Variants in CCSER1 observed in about 807,000 individuals in gnomAD.
CCSER1 encodes serine-rich coiled-coil domain-containing protein 1.
A neutral mutation model predicts 82.0 loss-of-function variants in CCSER1; 41 were observed. The observed-to-expected ratio is 0.50, with a 90% CI of 0.39 to 0.65. The LOEUF (loss-of-function observed/expected upper bound fraction) is 0.65. CCSER1 is among the 30% of genes least tolerant of loss of function. The pLI is 0.00. For synonymous variants in CCSER1, 414 were observed against 383.9 expected (o/e 1.08, Z -0.92); for missense variants, 1,119 against 1,064.2 (o/e 1.05, Z -0.72).
At chr4:91,446,640 T>A (rs956462997) in intron 10 of CCSER1, among the ~76,000 whole-genome samples, 76 of 143,800 alleles carry the variant, frequency 5.3e-4, no homozygotes, top group Non-Finnish European at 7.8e-4. Context: ...GTCTATGTAA[T>A]GAATATTTTA....
chr4:90,361,857 G>A (rs1352847650), intron 3 of CCSER1, among the ~76,000 whole-genome samples: 1 of 152,208 alleles, frequency 6.6e-6, no homozygotes, highest in African/African-American at 2.4e-5. Context: ...GTAAGCAGAG[G>A]CACTGACTAT....
At chr4:91,493,956 TA>T (rs1758683351) in intron 10 of CCSER1, among the ~76,000 whole-genome samples, 1 of 151,874 alleles carries the variant, frequency 6.6e-6, no homozygotes, top group Non-Finnish European at 1.5e-5. Context: ...AGTTTGATGA[TA>T]CTATGGTCTG....
At chr4:91,165,976 C>T (rs1391027617) in intron 10 of CCSER1, among the ~76,000 whole-genome samples, 1 of 152,210 alleles carries the variant, frequency 6.6e-6, no homozygotes, top group Non-Finnish European at 1.5e-5. Context: ...AACCAGGTAC[C>T]TCAGTAGGAA....
chr4:91,429,249 A>G (rs1335132797), intron 10 of CCSER1, among the ~76,000 whole-genome samples: 1 of 151,910 alleles, frequency 6.6e-6, no homozygotes, highest in African/African-American at 2.4e-5. Flanking sequence ...ACATAATTTC[A>G]GATGTTCTTG....
At chr4:90,279,839 G>C (rs576864854) in intron 1 of CCSER1, among the ~76,000 whole-genome samples, 2 of 152,042 alleles carry the variant, frequency 1.3e-5, no homozygotes, top group South Asian at 4.2e-4. Flanking sequence ...TTAATGTATG[G>C]TATGAATGAA....
chr4:91,567,953 A>T (rs1248247089), intron 10 of CCSER1, among the ~76,000 whole-genome samples: 1 of 152,110 alleles, frequency 6.6e-6, no homozygotes, highest in Non-Finnish European at 1.5e-5. Flanking sequence ...GTTGCTTTAC[A>T]GTGACACTGG....
rs768938443 is a variant in CCSER1, at chr4:91,598,673, C to A, written c.2319C>A (p.Asp773Glu). ...TEDRFRYSAA[D>E]QTSPYKNKTC... The stretch of plus-strand genomic sequence containing the variant: ...ACCGTTTTAGGTATTCGGCAGCGGA[C>A]CAGACAAGCCCCTACAAAAACAAGA... Residue 773 changes from aspartate to glutamate, a missense_variant, in exon 11 of 11, where the codon GAC (aspartate) becomes GAA (glutamate). By Grantham distance (45) the Asp-to-Glu change is conservative (BLOSUM62 2). Transcript: ENST00000509176. 32 of 1,551,384 alleles carry A rather than the reference C, an allele frequency of 2.1e-5. No homozygotes were observed. In the South Asian group the frequency reaches 3.7e-4, roughly 18 times the overall value.
chr4:90,634,999 A>G (rs13126938), intron 6 of CCSER1, among the ~76,000 whole-genome samples: 45,457 of 151,482 alleles, frequency 0.3, 7,118 homozygotes, highest in African/African-American at 0.37. Flanking sequence ...TCATAATGGT[A>G]AAAGTCAGTT....
At chr4:91,334,924 G>GA (rs894204694) in intron 10 of CCSER1, among the ~76,000 whole-genome samples, 25 of 146,008 alleles carry the variant, frequency 1.7e-4, no homozygotes, top group East Asian at 1.6e-3. Context: ...ATTTAAGAAT[G>GA]AAAAAAAAAA....
At chr4:91,318,755 G>T (rs1279953268) in intron 10 of CCSER1, among the ~76,000 whole-genome samples, 3 of 151,988 alleles carry the variant, frequency 2.0e-5, no homozygotes, top group African/African-American at 7.2e-5. Context: ...TCCAAATACA[G>T]TGAATATTGA....
rs1733498644 is a variant in CCSER1 at position 90,303,109 on chromosome 4, A to G, written c.-41-5135A>G. ...AGTAGATTTATATCTACTCCAGGTTATTCAATAATGTGCAGATATCTTTTA... is the reference window on the plus strand; with the variant it reads ...AGTAGATTTATATCTACTCCAGGTTGTTCAATAATGTGCAGATATCTTTTA... On this transcript the variant is annotated intron_variant, in intron 1 of 10. Transcript: ENST00000509176. Among the ~76,000 whole-genome samples, 3 of 152,198 alleles carry G rather than the reference A, an allele frequency of 2.0e-5. 1 individual carries two copies. The South Asian group carries it at 6.2e-4, about 31-fold the overall frequency.
At chr4:90,188,395 G>A (rs866002293) in intron 1 of CCSER1, among the ~76,000 whole-genome samples, 14 of 151,872 alleles carry the variant, frequency 9.2e-5, no homozygotes, top group Admixed American at 3.3e-4. Context: ...TATCATTGTA[G>A]TCTTATATTA....
chr4:90,541,638 T>C (rs987301959), intron 5 of CCSER1, among the ~76,000 whole-genome samples: 3 of 152,102 alleles, frequency 2.0e-5, no homozygotes, highest in Non-Finnish European at 4.4e-5. Flanking sequence ...ATATATGTAG[T>C]GTTCTCTCCT....
intron 9 of CCSER1, among the ~76,000 whole-genome samples, chr4:91,044,731 A>T (rs567876808): frequency 6.6e-6 from 1 of 152,188 alleles, no homozygotes; most frequent in Non-Finnish European, 1.5e-5. Flanking sequence ...TTTTCAGATA[A>T]ACCTGCCCTA....
At chr4:90,756,762 C>T (rs1749598516) in intron 7 of CCSER1, among the ~76,000 whole-genome samples, 1 of 152,146 alleles carries the variant, frequency 6.6e-6, no homozygotes, top group Admixed American at 6.5e-5. Flanking sequence ...ATATACTTTA[C>T]TGCATCTTCT....
Position 90,156,228 on chromosome 4 carries a change from G to A in CCSER1, c.-42+28397G>A, listed in dbSNP as rs561959304. ...TGAGTTCTAGTTTGATTGCACTGTG[G>A]TCTGAGAGACAGTTTGTTATAATTT... On this transcript the variant is annotated intron_variant, in intron 1 of 10. Coordinates refer to ENST00000509176, the MANE Select transcript of CCSER1 (RefSeq NM_001145065.2). Among the ~76,000 whole-genome samples, 296 of 152,274 alleles carry A rather than the reference G, an allele frequency of 1.9e-3. 1 individual carries two copies. Among genetic ancestry groups the A allele is most frequent in the African/African-American group, 6.2e-3 (257 of 41,552 alleles).
chr4:90,744,758 A>G (rs62312983), intron 7 of CCSER1, among the ~76,000 whole-genome samples: 1 of 152,030 alleles, frequency 6.6e-6, no homozygotes, highest in African/African-American at 2.4e-5. Context: ...AACTGCACGT[A>G]CAAGGGATCT....
At chr4:90,878,217 A>G (rs1720660098) in intron 8 of CCSER1, among the ~76,000 whole-genome samples, 1 of 152,124 alleles carries the variant, frequency 6.6e-6, no homozygotes, top group Non-Finnish European at 1.5e-5. Flanking sequence ...AGACCATGCT[A>G]TCTAGCTATC....
intron 8 of CCSER1, among the ~76,000 whole-genome samples, chr4:90,832,535 C>T (rs1761256125): frequency 6.6e-6 from 1 of 151,940 alleles, no homozygotes; most frequent in African/African-American, 2.4e-5. Context: ...ACTAAGGTTA[C>T]CAATGTGCAC....
Sources: gnomAD v4.1 joint callset for allele counts (sites outside exome capture counted in the v4.1 genomes callset) on GRCh38, gnomAD v4.1.1 for gene constraint, MANE v1.5 for transcripts, NCBI Gene and HGNC (gene_info 2026-07-23, HGNC 2026-07-21) for gene names.